Variants in OR3A2 observed in about 807,000 individuals in gnomAD.
OR3A2 encodes the protein olfactory receptor 3A2.
For synonymous variants in OR3A2, 126 were observed against 159.3 expected, an observed-to-expected ratio of 0.79 and a Z score of 1.57; for missense variants, 318 against 392.8, an observed-to-expected ratio of 0.81 and a Z score of 1.61.
At chr17:3,363,790 C>A (rs2049539593) in intron 2 of OR3A2, among the ~76,000 whole-genome samples, 1 of 152,150 alleles carries the variant, frequency 6.6e-6, no homozygotes, top group East Asian at 1.9e-4. Context: ...AAAAGCATGA[C>A]TGGGAGGCCT....
intron 3 of OR3A2, among the ~76,000 whole-genome samples, chr17:3,330,395 C>T (rs960704184): frequency 1.4e-4 from 21 of 150,202 alleles, no homozygotes; most frequent in Non-Finnish European, 1.8e-4. Context: ...TCTGGGTGCT[C>T]CTGTATTGGG....
chr17:3,293,539 G>C (rs1266538450), intron 3 of OR3A2, among the ~76,000 whole-genome samples: 2 of 152,114 alleles, frequency 1.3e-5, no homozygotes, highest in Non-Finnish European at 2.9e-5. Context: ...AAAAACTCAT[G>C]TCATTTAAGG....
chr17:3,292,442 G>A (rs751248394), intron 3 of OR3A2: 23 of 1,613,964 alleles, frequency 1.4e-5, no homozygotes, highest in Non-Finnish European at 1.9e-5. Context: ...CTGCCAGGAT[G>A]CTGAGGTTGC....
At chr17:3,351,725 G>C (rs1300405656) in intron 2 of OR3A2, among the ~76,000 whole-genome samples, 1 of 151,080 alleles carries the variant, frequency 6.6e-6, no homozygotes, top group Non-Finnish European at 1.5e-5. Flanking sequence ...GCATCACCAA[G>C]TCAATCCTAA....
intron 3 of OR3A2, among the ~76,000 whole-genome samples, chr17:3,330,574 T>C (rs1381035518): frequency 2.0e-5 from 3 of 152,086 alleles, no homozygotes; most frequent in South Asian, 2.1e-4. Context: ...GGTAGATCTT[T>C]CTCCATCCTT....
chr17:3,281,400 A>AT (rs1289261762), intron 1 of OR3A2, among the ~76,000 whole-genome samples: 3 of 151,800 alleles, frequency 2.0e-5, no homozygotes, highest in South Asian at 2.1e-4. Context: ...CGCCCAGCTA[A>AT]TTTTTTTGTA....
intron 2 of OR3A2, among the ~76,000 whole-genome samples, chr17:3,341,274 T>TTAA (rs139686970): frequency 0.58 from 88,169 of 151,564 alleles, 26,500 homozygotes; most frequent in African/African-American, 0.71. Flanking sequence ...ACATTTAAGG[T>TTAA]TAATGTTATG....
At chr17:3,329,417 A>C (rs2049209230) in intron 3 of OR3A2, among the ~76,000 whole-genome samples, 1 of 149,610 alleles carries the variant, frequency 6.7e-6, no homozygotes, top group Non-Finnish European at 1.5e-5. Flanking sequence ...CAGAGATTCA[A>C]CTTCTTCCTG....
intron 3 of OR3A2, among the ~76,000 whole-genome samples, chr17:3,323,896 T>C (rs907445941): frequency 3.3e-5 from 5 of 152,156 alleles, no homozygotes; most frequent in Admixed American, 2.6e-4. Flanking sequence ...TGAATTTGAA[T>C]GTCGGCCTGC....
chr17:3,381,807 C>A (rs1441275616), intron 2 of OR3A2, among the ~76,000 whole-genome samples: 3 of 152,168 alleles, frequency 2.0e-5, no homozygotes, highest in Admixed American at 2.0e-4. Context: ...TCAAATGCCA[C>A]CTCTTCTGTG....
chr17:3,301,270 G>A (rs12450291), intron 3 of OR3A2, among the ~76,000 whole-genome samples: 71,252 of 152,038 alleles, frequency 0.47, 18,153 homozygotes, highest in East Asian at 0.96. Context: ...TCGCCACACT[G>A]TCTTCCACAA....
At chr17:3,278,905 C>T in exon 2 of OR3A2, 1 of 1,522,498 alleles carries the variant, frequency 6.6e-7, no homozygotes, top group Non-Finnish European at 8.8e-7. Context: ...TTGGTCCCAG[C>T]TTCTGGCTCC....
rs188511658 is a variant in OR3A2, at chr17:3,322,690, G to A, written c.-85+13343C>T. Among the ~76,000 whole-genome samples the A allele has an allele frequency of 4.1e-3, 625 of 152,248 alleles. 3 individuals carry two copies. Among genetic ancestry groups the A allele is most frequent in the Non-Finnish European group, 7.1e-3 (483 of 68,012 alleles). On this transcript the variant is annotated intron_variant, in intron 3 of 4. Transcript: ENST00000573491. The stretch of plus-strand genomic sequence containing the variant: ...CATATGGTTGAGTGGTTTTGAGTGA[G>A]TTTCTTAATTCTGAGTTCTAGTTTG...
Position 3,311,645 on chromosome 17 carries a change from C to T in OR3A2, c.-85+24388G>A. On this transcript the variant is annotated intron_variant, in intron 3 of 4. Coordinates refer to the OR3A2 transcript ENST00000573491. This position sits in a 1 kb window ranked among gnomAD's most constrained non-coding sequence, Gnocchi z 4.6. ...ATCCCCATGATCTTTATCTCAGTGT[C>T]CTATGCCCACGTCACAGCTGCAATA... The T allele has an allele frequency of 3.1e-6, 1 of 323,452 alleles. No homozygotes were observed. The highest frequency in any genetic ancestry group is 6.3e-6 in the Non-Finnish European group (1 of 158,438). The allele number at this position is 323,452 out of a possible 1,614,324, so 20.0% of individuals were successfully genotyped here.
intron 2 of OR3A2, among the ~76,000 whole-genome samples, chr17:3,378,583 C>T (rs554399277): frequency 2.6e-5 from 4 of 152,148 alleles, no homozygotes; most frequent in African/African-American, 9.6e-5. Context: ...GGTGGGGCTC[C>T]CACCTCTTCC....
chr17:3,340,174 T>C (rs969671325), intron 2 of OR3A2, among the ~76,000 whole-genome samples: 11 of 152,176 alleles, frequency 7.2e-5, no homozygotes, highest in African/African-American at 2.7e-4. Context: ...CTTATTAGTC[T>C]TGCTAGCGGT....
At position 3,359,124 on chromosome 17, in the gene OR3A2, C is replaced by T. The variant is rs1013312039; in HGVS notation, c.-178-22998G>A. Among the ~76,000 whole-genome samples the T allele has an allele frequency of 3.3e-5, 5 of 151,658 alleles. No individual in the cohort carries two copies. The South Asian group carries it at 6.2e-4, about 19-fold the overall frequency. On this transcript the variant is annotated intron_variant, in intron 2 of 4. Transcript: ENST00000573491. Reference sequence around the variant, plus strand: ...ACCCCTGCTTCCTTTTTTCTATTTGCTGGGTAGATTTTCCTCCATCCTTTT... The same window carrying T: ...ACCCCTGCTTCCTTTTTTCTATTTGTTGGGTAGATTTTCCTCCATCCTTTT...
intron 3 of OR3A2, among the ~76,000 whole-genome samples, chr17:3,326,411 G>C (rs186027483): frequency 6.6e-6 from 1 of 151,984 alleles, no homozygotes. Flanking sequence ...AGATTGTTGC[G>C]GGAAGTCAGG....
intron 2 of OR3A2, among the ~76,000 whole-genome samples, chr17:3,371,951 G>T (rs1251986167): frequency 6.7e-6 from 1 of 150,256 alleles, no homozygotes; most frequent in African/African-American, 2.5e-5. Flanking sequence ...CCCGGACGGG[G>T]TGGCTGCCAG....
Sources: allele counts gnomAD v4.1 joint callset (sites outside exome capture counted in the v4.1 genomes callset), GRCh38; gene constraint gnomAD v4.1.1; non-coding constraint Gnocchi (gnomAD v3.1); transcripts MANE v1.5; gene names NCBI Gene and HGNC (gene_info 2026-07-23, HGNC 2026-07-21).